The following GPHN variants were observed in gnomAD, a reference collection of about 807,000 sequenced individuals.
GPHN encodes gephyrin.
A neutral mutation model predicts 95.5 loss-of-function variants in GPHN; 17 were observed. The ratio of observed to expected loss-of-function variants is 0.18; its 90% CI spans 0.12 to 0.27. GPHN has a LOEUF of 0.27. Ranked by LOEUF, GPHN falls within the 10% of genes least tolerant of loss-of-function variation. The pLI, the probability that GPHN is intolerant of heterozygous loss-of-function variation, is 1.00. For synonymous variants in GPHN, 320 were observed against 322.5 expected, an observed-to-expected ratio of 0.99 and a Z score of 0.08; for missense variants, 660 against 978.1, an observed-to-expected ratio of 0.67 and a Z score of 4.34.
chr14:67,722,698 C>T, the GPHN span: 1 of 1,613,640 alleles, frequency 6.2e-7, no homozygotes, highest in Admixed American at 1.7e-5. Context: ...TATATGGTAG[C>T]TCCATCCATC....
intron 1 of GPHN, among the ~76,000 whole-genome samples, chr14:66,634,163 A>G (rs981998376): frequency 6.6e-6 from 1 of 151,950 alleles, no homozygotes; most frequent in Non-Finnish European, 1.5e-5. Context: ...TGGAGGTGTC[A>G]TGTTTCCCTG....
chr14:67,253,096 G>C, the GPHN span, among the ~76,000 whole-genome samples: 2 of 152,344 alleles, frequency 1.3e-5, no homozygotes, highest in Middle Eastern at 6.8e-3. Flanking sequence ...TATAGAGTCA[G>C]ATGTCTGCAG....
chr14:67,427,786 C>T, the GPHN span, among the ~76,000 whole-genome samples: 4 of 152,236 alleles, frequency 2.6e-5, no homozygotes, highest in Admixed American at 6.5e-5. Context: ...CCTCAGGCCC[C>T]CCTGCACTGG....
intron 5 of GPHN, among the ~76,000 whole-genome samples, chr14:66,897,796 G>A (rs186636274): frequency 1.7e-4 from 26 of 152,158 alleles, no homozygotes; most frequent in Admixed American, 1.4e-3. Context: ...CAAACGATGC[G>A]GTATCTAGGT....
intron 6 of GPHN, among the ~76,000 whole-genome samples, chr14:66,918,568 G>A (rs530648188): frequency 1.3e-5 from 2 of 152,280 alleles, no homozygotes; most frequent in South Asian, 2.1e-4. Context: ...TGCTAGACAC[G>A]AAAGCTTTGT....
chr14:67,585,581 C>A, the GPHN span: 1 of 1,581,570 alleles, frequency 6.3e-7, no homozygotes, highest in African/African-American at 1.3e-5. Flanking sequence ...GCCCAGCTGT[C>A]TTCCAAGGAG....
chr14:66,902,457 A>G (rs1254303789), intron 5 of GPHN, among the ~76,000 whole-genome samples: 1 of 152,086 alleles, frequency 6.6e-6, no homozygotes, highest in Non-Finnish European at 1.5e-5. Flanking sequence ...CTTAGAGGAA[A>G]GGCGTTCAAT....
At chr14:67,228,859 A>G in the GPHN span, among the ~76,000 whole-genome samples, 309 of 152,322 alleles carry the variant, frequency 2.0e-3, no homozygotes, top group African/African-American at 7.0e-3. Flanking sequence ...GCTGAGAGAC[A>G]GTATTTATTG....
rs951319592 is a variant in GPHN, at chr14:66,525,833, C to T, written c.64+17242C>T. Among the ~76,000 whole-genome samples the T allele has an allele frequency of 2.0e-5, 3 of 152,026 alleles. No individual in the cohort carries two copies. The East Asian group carries it at 5.8e-4, about 29-fold the overall frequency. On this transcript the variant is annotated intron_variant, in intron 1 of 22. Coordinates refer to ENST00000478722, the MANE Select transcript of GPHN (RefSeq NM_020806.5). ...TTATTTCTGAGGCCTCTGTTCTGTT[C>T]CATCGGTTTATATATCTGTTTTGGT... is the stretch of plus-strand genomic sequence containing the variant.
chr14:66,936,683 TTTAAC>T (rs561890578), intron 8 of GPHN, among the ~76,000 whole-genome samples: 64 of 152,342 alleles, frequency 4.2e-4, no homozygotes, highest in African/African-American at 1.5e-3. Flanking sequence ...AAAGATTTTA[TTTAAC>T]TTATTAAATA....
intron 11 of GPHN, among the ~76,000 whole-genome samples, chr14:67,061,111 G>A (rs923121900): frequency 7.2e-5 from 11 of 151,760 alleles, no homozygotes; most frequent in African/African-American, 2.2e-4. Flanking sequence ...GCACGATCTC[G>A]GTTCACGGCA....
chr14:67,033,652 C>G (rs996664734), intron 10 of GPHN, among the ~76,000 whole-genome samples: 3 of 150,844 alleles, frequency 2.0e-5, no homozygotes, highest in Admixed American at 2.0e-4. Context: ...AAAAGGGACA[C>G]CAAACTTATT....
chr14:67,236,665 T>C, the GPHN span, among the ~76,000 whole-genome samples: 13 of 152,378 alleles, frequency 8.5e-5, no homozygotes, highest in Non-Finnish European at 7.3e-5. Context: ...GGATATACTA[T>C]ATTTAGCTAG....
At chr14:66,894,886 A>T (rs146701210) in intron 5 of GPHN, among the ~76,000 whole-genome samples, 418 of 152,364 alleles carry the variant, frequency 2.7e-3, no homozygotes, top group African/African-American at 9.7e-3. Context: ...ATGGAGAAAT[A>T]GGAACACTTT....
intron 4 of GPHN, among the ~76,000 whole-genome samples, chr14:66,879,562 C>G (rs1294459606): frequency 6.6e-6 from 1 of 151,808 alleles, no homozygotes; most frequent in East Asian, 1.9e-4. Flanking sequence ...CTAATTATTT[C>G]AAGAGTAATA....
At chr14:66,925,801 C>G (rs1358207233) in intron 8 of GPHN, among the ~76,000 whole-genome samples, 1 of 152,160 alleles carries the variant, frequency 6.6e-6, no homozygotes, top group Non-Finnish European at 1.5e-5. Flanking sequence ...GTAGTTCTGT[C>G]TTTAGTTTTT....
At chr14:67,022,125 T>C (rs1036227858) in intron 9 of GPHN, among the ~76,000 whole-genome samples, 2 of 152,136 alleles carry the variant, frequency 1.3e-5, no homozygotes, top group African/African-American at 2.4e-5. Flanking sequence ...TGTAGTGGTA[T>C]AGTTACACTT....
intron 1 of GPHN, among the ~76,000 whole-genome samples, chr14:66,566,861 G>C (rs1317105191): frequency 1.3e-5 from 2 of 152,188 alleles, no homozygotes; most frequent in Non-Finnish European, 2.9e-5. Flanking sequence ...CAGAGAGTTA[G>C]CTTCTTTAGA....
the GPHN span, among the ~76,000 whole-genome samples, chr14:67,233,879 T>C: frequency 6.6e-6 from 1 of 152,206 alleles, no homozygotes; most frequent in South Asian, 2.1e-4. Flanking sequence ...AAATGAAGAT[T>C]CCGGCTGATA....
Sources: allele counts gnomAD v4.1 joint callset (sites outside exome capture counted in the v4.1 genomes callset), GRCh38; gene constraint gnomAD v4.1.1; transcripts MANE v1.5; gene names NCBI Gene and HGNC (gene_info 2026-07-23, HGNC 2026-07-21).